Variants in CPB1 observed in about 807,000 individuals in gnomAD.
The protein encoded by CPB1 is carboxypeptidase B.
A neutral mutation model predicts 51.4 loss-of-function variants in CPB1; 53 were observed. That is an observed-to-expected ratio of 1.03 (90% CI 0.83 to 1.30). The LOEUF is 1.30. CPB1 is among the 50% of genes most tolerant of loss of function. The pLI is 0.00. For missense variants in CPB1, 494 were observed against 516.2 expected (o/e 0.96, Z 0.42); for synonymous variants, 189 against 186.9 (o/e 1.01, Z -0.09).
intron 2 of CPB1, among the ~76,000 whole-genome samples, chr3:148,829,786 G>A (rs1712678898): frequency 1.3e-5 from 2 of 152,082 alleles, no homozygotes; most frequent in South Asian, 2.1e-4. Context: ...CACTCATTCA[G>A]TACATATTTA....
intron 9 of CPB1, chr3:148,854,408 G>C (rs1713517917): frequency 6.6e-6 from 1 of 152,054 alleles, no homozygotes; most frequent in East Asian, 1.9e-4. Flanking sequence ...ATTAATGTCT[G>C]TTCTGACTTT....
At position 148,843,032 on chromosome 3, in the gene CPB1, A is replaced by T. The variant is rs907541826; in HGVS notation, c.576+1108A>T. ...TGACCAGCACTCTTCAACAGTGTTA[A>T]AGTCATAAAACACAAAAAGACTGAA... On this transcript the variant is annotated intron_variant, in intron 6 of 10. Coordinates refer to ENST00000282957, the MANE Select transcript of CPB1 (RefSeq NM_001871.3). 1.1e-4 allele frequency among the ~76,000 whole-genome samples: 16 copies of T among 152,314 alleles called. No individual in the cohort carries two copies. The East Asian group carries it at 3.1e-3, about 29-fold the overall frequency.
intron 6 of CPB1, among the ~76,000 whole-genome samples, chr3:148,842,297 A>G (rs769369995): frequency 3.9e-5 from 6 of 152,180 alleles, no homozygotes; most frequent in Non-Finnish European, 8.8e-5. Flanking sequence ...GAGTCCAACA[A>G]CTAGCATAGT....
chr3:148,855,099 G>A (rs1713535165), intron 9 of CPB1: 1 of 152,220 alleles, frequency 6.6e-6, no homozygotes, highest in Non-Finnish European at 1.5e-5. Context: ...TGAGAGACAA[G>A]GCCGGACCTG....
In CPB1 at chr3:148,857,561, C is replaced by T. The variant is rs868862030; in HGVS notation, c.1066+20C>T. On this transcript the variant is annotated intron_variant, in intron 10 of 10. Transcript: ENST00000282957. The stretch of plus-strand genomic sequence containing the variant: ...CAATCTGTGAGTCTTGGCTTCAGAA[C>T]TGTGCAAAGAACCATGTGCCTAAAA... The T allele has an allele frequency of 8.2e-6, 13 of 1,593,448 alleles. No homozygotes were observed. The Middle Eastern group carries it at 1.7e-3, about 203-fold the overall frequency.
intron 10 of CPB1, 68 bp downstream of exon 10, chr3:148,857,609 C>T (rs557279501): frequency 2.5e-6 from 3 of 1,176,826 alleles, no homozygotes; most frequent in African/African-American, 3.1e-5. Context: ...GTTCCTGGGG[C>T]CTTTCTTTTC....
chr3:148,836,059 T>C (rs572993954), intron 3 of CPB1, among the ~76,000 whole-genome samples: 2 of 152,218 alleles, frequency 1.3e-5, no homozygotes, highest in Non-Finnish European at 2.9e-5. Flanking sequence ...CAAAGGGCTG[T>C]TGTAAAAATA....
chr3:148,848,480 G>T (rs1713321103), intron 9 of CPB1, among the ~76,000 whole-genome samples: 1 of 151,942 alleles, frequency 6.6e-6, no homozygotes. Context: ...GTGTACAAGA[G>T]ATTTCTATTT....
chr3:148,847,664 G>T (rs1036602740), intron 9 of CPB1, among the ~76,000 whole-genome samples: 1 of 152,018 alleles, frequency 6.6e-6, no homozygotes, highest in African/African-American at 2.4e-5. Context: ...AATTCTAATT[G>T]CCAAAGAAGT....
At chr3:148,836,362 T>C (rs1442283418) in intron 3 of CPB1, among the ~76,000 whole-genome samples, 1 of 152,206 alleles carries the variant, frequency 6.6e-6, no homozygotes, top group African/African-American at 2.4e-5. Flanking sequence ...CTTTTTATTA[T>C]ACTGAAAAGG....
intron 2 of CPB1, among the ~76,000 whole-genome samples, chr3:148,832,893 T>C (rs1712783084): frequency 1.3e-5 from 2 of 152,134 alleles, no homozygotes; most frequent in South Asian, 2.1e-4. Flanking sequence ...CAGCTACAGA[T>C]ACATGGAGGA....
chr3:148,836,815 T>C (rs1712919443), intron 3 of CPB1, among the ~76,000 whole-genome samples: 1 of 152,196 alleles, frequency 6.6e-6, no homozygotes, highest in African/African-American at 2.4e-5. Flanking sequence ...ATCCCATTAT[T>C]ACCTCATATG....
At chr3:148,830,307 T>C (rs1711106269) in intron 2 of CPB1, among the ~76,000 whole-genome samples, 1 of 152,162 alleles carries the variant, frequency 6.6e-6, no homozygotes, top group Admixed American at 6.5e-5. Context: ...TCTGCAGTAT[T>C]TTTTTAGTTA....
Position 148,845,469 on chromosome 3 carries a change from C to G in CPB1, c.824C>G (p.Pro275Arg). ...CCCTGTGATGAAACTTACTGTGGAC[C>G]TGCCGCAGAGTCTGAAAAGGAGACC... is the stretch of plus-strand genomic sequence containing the variant. ...RNPCDETYCG[P>R]AAESEKETKA... Residue 275 changes from proline (P) to arginine (R), a missense_variant, in exon 9 of 11, where the codon CCT (proline) becomes CGT (arginine). By Grantham distance (103) the Pro-to-Arg change is moderately radical. Transcript: ENST00000282957. 1 of 1,613,894 alleles carries G rather than the reference C, an allele frequency of 6.2e-7. No homozygotes were observed. The highest frequency in any genetic ancestry group is 1.1e-5 in the South Asian group (1 of 91,070).
intron 2 of CPB1, 57 bp downstream of exon 2, chr3:148,828,134 G>A: frequency 7.6e-7 from 1 of 1,308,486 alleles, no homozygotes; most frequent in Non-Finnish European, 1.1e-6. Flanking sequence ...ATCGCACTGT[G>A]ATTCCGACAA....
intron 5 of CPB1, 38 bp downstream of exon 5, chr3:148,841,013 G>T: frequency 6.6e-7 from 1 of 1,516,640 alleles, no homozygotes; most frequent in Non-Finnish European, 9.1e-7. Context: ...ATGTCTGAGG[G>T]CTTTAAATCA....
chr3:148,846,310 A>G (rs1713236411), intron 9 of CPB1, among the ~76,000 whole-genome samples: 1 of 152,148 alleles, frequency 6.6e-6, no homozygotes, highest in African/African-American at 2.4e-5. Context: ...TCACATGTCA[A>G]TGAATAATTT....
At chr3:148,835,485 G>A (rs1025978798) in intron 3 of CPB1, among the ~76,000 whole-genome samples, 2 of 152,174 alleles carry the variant, frequency 1.3e-5, no homozygotes, top group Non-Finnish European at 2.9e-5. Flanking sequence ...TGAAAGATGA[G>A]TAGGAGTTGA....
intron 9 of CPB1, among the ~76,000 whole-genome samples, chr3:148,850,357 A>C (rs1422596145): frequency 6.6e-6 from 1 of 152,058 alleles, no homozygotes; most frequent in African/African-American, 2.4e-5. Flanking sequence ...GCTGGAGTGC[A>C]GTGGTGCAAT....
Sources: gnomAD v4.1 joint callset for allele counts (sites outside exome capture counted in the v4.1 genomes callset) on GRCh38, gnomAD v4.1.1 for gene constraint, MANE v1.5 for transcripts, NCBI Gene and HGNC (gene_info 2026-07-23, HGNC 2026-07-21) for gene names.